The following GNL2 variants were observed in gnomAD, a reference collection of about 807,000 sequenced individuals.
GNL2 encodes nucleolar GTP-binding protein 2.
GNL2 carries 51 observed loss-of-function variants against 92.3 expected under a neutral mutation model. The observed-to-expected ratio is 0.55, with a 90% confidence interval of 0.44 to 0.70. The LOEUF is 0.70. Among genes scored for constraint, GNL2 ranks in the 30% least tolerant of loss-of-function variants. The pLI is 0.00. For missense variants in GNL2, 844 were observed against 895.6 expected, an observed-to-expected ratio of 0.94 and a Z score of 0.74; for synonymous variants, 283 against 300.6, an observed-to-expected ratio of 0.94 and a Z score of 0.61.
intron 5 of GNL2, among the ~76,000 whole-genome samples, chr1:37,585,822 T>A (rs1373401574): frequency 2.0e-5 from 3 of 152,170 alleles, no homozygotes; most frequent in African/African-American, 7.2e-5. Context: ...GCCTCTTCAC[T>A]AAGACAGCAA....
chr1:37,586,709 C>T (rs2148140606), intron 5 of GNL2, among the ~76,000 whole-genome samples: 1 of 152,230 alleles, frequency 6.6e-6, no homozygotes, highest in East Asian at 1.9e-4. Flanking sequence ...TCCAACTTAA[C>T]TATATTTCCT....
At chr1:37,589,888 C>A (rs548592722) in intron 4 of GNL2, among the ~76,000 whole-genome samples, 1 of 152,152 alleles carries the variant, frequency 6.6e-6, no homozygotes, top group East Asian at 1.9e-4. Flanking sequence ...GCTGAACGTA[C>A]GCAACACCAA....
In GNL2 at chr1:37,574,803, C is replaced by CT; in HGVS notation, c.1163dup (p.Ser389GlufsTer3). The CT allele has an allele frequency of 6.2e-7, 1 of 1,610,618 alleles. No individual in the cohort carries two copies. The highest frequency in any genetic ancestry group is 8.5e-7 in the Non-Finnish European group (1 of 1,178,390). On this transcript the variant is annotated frameshift_variant, in exon 11 of 16. Coordinates refer to ENST00000373062, the MANE Select transcript of GNL2 (RefSeq NM_013285.3). LOFTEE classifies it high-confidence loss of function. ...CAGCACCAATGTGGTCTTCAGGACTCTTAATTTTTTCTACTTGAACCTAAA... is the reference window on the plus strand; with the variant it reads ...CAGCACCAATGTGGTCTTCAGGACTCTTTAATTTTTTCTACTTGAACCTAAA...
chr1:37,586,001 G>C (rs1434975980), intron 5 of GNL2, among the ~76,000 whole-genome samples: 6 of 152,032 alleles, frequency 3.9e-5, no homozygotes, highest in Admixed American at 2.6e-4. Flanking sequence ...CTTATCTTTG[G>C]GGAATAATTA....
At chr1:37,573,231 G>A (rs1350807725) in intron 12 of GNL2, among the ~76,000 whole-genome samples, 1 of 152,234 alleles carries the variant, frequency 6.6e-6, no homozygotes, top group African/African-American at 2.4e-5. Flanking sequence ...ACTTTCAAAT[G>A]CTGCAGAATA....
intron 2 of GNL2, 62 bp from the exon 3 acceptor site, chr1:37,592,868 T>G: frequency 1.1e-6 from 1 of 890,394 alleles, no homozygotes; most frequent in African/African-American, 1.6e-5. Flanking sequence ...CGAAGTTTGA[T>G]TTACAGAATA....
chr1:37,593,563 C>T (rs1260757952), intron 2 of GNL2, 199 bp downstream of exon 2: 2 of 515,746 alleles, frequency 3.9e-6, no homozygotes, highest in African/African-American at 3.9e-5. Flanking sequence ...GAAACCATCA[C>T]TATTTCACCG....
chr1:37,566,962 G>A lies in GNL2; in HGVS notation c.2089C>T (p.Arg697Cys), dbSNP rs769914689. The change falls in exon 16 of 16, where the codon CGC (arginine) becomes TGC (cysteine). Residue 697 changes from arginine to cysteine, a missense_variant. Arg to Cys is a radical substitution (Grantham distance 180, BLOSUM62 -3). Coordinates refer to ENST00000373062, the MANE Select transcript of GNL2 (RefSeq NM_013285.3). ...RQQRPKKVGVRYYETHNVKNR... is the reference protein window; with the variant it reads ...RQQRPKKVGVCYYETHNVKNR... ...TTCACGTTGTGTGTTTCATAGTAGCGCACACCAACTTTTTTCGGCCGTTGC... is the reference window on the plus strand; with the variant it reads ...TTCACGTTGTGTGTTTCATAGTAGCACACACCAACTTTTTTCGGCCGTTGC... 34 of 1,613,074 alleles carry A rather than the reference G, an allele frequency of 2.1e-5. No homozygotes were observed. The highest frequency in any genetic ancestry group is 1.6e-4 in the Middle Eastern group (1 of 6,084).
chr1:37,572,644 T>C (rs2148129840), intron 12 of GNL2, among the ~76,000 whole-genome samples: 1 of 152,316 alleles, frequency 6.6e-6, no homozygotes, highest in East Asian at 1.9e-4. Context: ...TACCTTACCC[T>C]GTGCACCTCT....
intron 12 of GNL2, among the ~76,000 whole-genome samples, chr1:37,571,613 G>A (rs1430846641): frequency 1.3e-5 from 2 of 152,028 alleles, no homozygotes; most frequent in African/African-American, 4.8e-5. Flanking sequence ...CAAACTCCTC[G>A]TGGAAATGAT....
Position 37,568,304 on chromosome 1 carries a change from T to C in GNL2, c.1922A>G (p.Lys641Arg). The C allele has an allele frequency of 1.2e-6, 2 of 1,607,882 alleles. No individual in the cohort carries two copies. The highest frequency in any genetic ancestry group is 1.7e-6 in the Non-Finnish European group (2 of 1,174,224). Reference protein sequence around the residue: ...KIFAKPEEQRKTLEEDVDDRA... With the variant: ...KIFAKPEEQRRTLEEDVDDRA... Reference sequence around the variant, plus strand: ...GTCATCTACATCTTCTTCCAGTGTTTTTCTTTGTTCTTCAGGTTTTGCAAA... The same window carrying C: ...GTCATCTACATCTTCTTCCAGTGTTCTTCTTTGTTCTTCAGGTTTTGCAAA... Residue 641 changes from lysine (K) to arginine (R), a missense_variant, in exon 14 of 16, where the codon AAA becomes AGA. Lys to Arg is a conservative substitution (Grantham distance 26). Transcript: ENST00000373062.
At chr1:37,582,407 C>A in intron 7 of GNL2, 71 bp from the exon 8 acceptor site, 1 of 870,394 alleles carries the variant, frequency 1.1e-6, no homozygotes, top group Non-Finnish European at 1.8e-6. Flanking sequence ...AGAATCAGAG[C>A]TTGAATTACA....
rs34593152 is a variant in GNL2, at chr1:37,567,690, C to T, written c.2026G>A (p.Ala676Thr). ...EQEHSNKAPR[A>T]LTSKERRRAV... is the part of the protein sequence containing the mutation. ...ACACTTACTTCTTTTGATGTAAGCG[C>T]CCTGGGAGCTTTATTTGAATGTTCC... Residue 676 changes from alanine (A) to threonine (T), a missense_variant, in exon 15 of 16, where the codon GCG (alanine) becomes ACG (threonine). Ala to Thr is a moderately conservative substitution (Grantham distance 58). Coordinates refer to ENST00000373062, the MANE Select transcript of GNL2 (RefSeq NM_013285.3). The T allele has an allele frequency of 1.0e-3, 1,651 of 1,612,256 alleles. 12 individuals carry two copies. In the Middle Eastern group the frequency reaches 0.011, roughly 10 times the overall value.
rs774402243 is a variant in GNL2, at chr1:37,569,196, T to C, written c.1523A>G (p.Glu508Gly). Residue 508 changes from glutamate (E) to glycine (G), a missense_variant, in exon 13 of 16, where the codon GAA becomes GGA. Coordinates refer to ENST00000373062, the MANE Select transcript of GNL2 (RefSeq NM_013285.3). ...AGEGSESIIKEETEENSHCDA... is the reference protein window; with the variant it reads ...AGEGSESIIKGETEENSHCDA... ...ACAGTGACTGTTCTCTTCTGTTTCT[T>C]CCTTAATGATGGATTCTGACCCTTC... 2 of 1,614,084 alleles carry C rather than the reference T, an allele frequency of 1.2e-6. No homozygotes were observed. Among genetic ancestry groups the C allele is most frequent in the East Asian group, 2.2e-5 (1 of 44,888 alleles).
chr1:37,574,660 G>T lies in GNL2; in HGVS notation c.1302+5C>A, dbSNP rs111907668. On this transcript the variant is annotated splice_donor_5th_base_variant and intron_variant, in intron 11 of 15. Coordinates refer to ENST00000373062, the MANE Select transcript of GNL2 (RefSeq NM_013285.3). ...CAGTCTAAATTCTCACAAACGCCGGGTCACCTTTAGTAACTTCCCAGTCCG... is the reference window on the plus strand; with the variant it reads ...CAGTCTAAATTCTCACAAACGCCGGTTCACCTTTAGTAACTTCCCAGTCCG... 6.2e-7 allele frequency: 1 copy of T among 1,612,818 alleles called. No individual in the cohort carries two copies. Among genetic ancestry groups the T allele is most frequent in the Admixed American group, 1.7e-5 (1 of 59,970 alleles).
At position 37,569,308 on chromosome 1, in the gene GNL2, A is replaced by C; in HGVS notation, c.1417-6T>G. On this transcript the variant is annotated splice_polypyrimidine_tract_variant and splice_region_variant and intron_variant, in intron 12 of 15. Coordinates refer to ENST00000373062, the MANE Select transcript of GNL2 (RefSeq NM_013285.3). ...AAAGATGAGGAGGGTAGAAGCTATT[A>C]AGGGGTGGAAATGGGGGAAATAAAT... 3.8e-6 allele frequency: 6 copies of C among 1,568,232 alleles called. No homozygotes were observed. Among genetic ancestry groups the C allele is most frequent in the Non-Finnish European group, 5.2e-6 (6 of 1,151,520 alleles).
chr1:37,588,233 T>C (rs1334642433), intron 4 of GNL2, among the ~76,000 whole-genome samples: 1 of 151,536 alleles, frequency 6.6e-6, no homozygotes, highest in Non-Finnish European at 1.5e-5. Context: ...GATAAAAGAG[T>C]TGGGATCTAT....
chr1:37,591,504 CTTT>C (rs34721968), intron 3 of GNL2, among the ~76,000 whole-genome samples: 5 of 135,004 alleles, frequency 3.7e-5, no homozygotes, highest in Non-Finnish European at 3.2e-5. Flanking sequence ...TATATTTACT[CTTT>C]TTTTTTTTTT....
At position 37,592,733 on chromosome 1, in the gene GNL2, C is replaced by T; in HGVS notation, c.223G>A (p.Glu75Lys). 1 of 1,596,254 alleles carries T rather than the reference C, an allele frequency of 6.3e-7. No homozygotes were observed. The highest frequency in any genetic ancestry group is 8.6e-7 in the Non-Finnish European group (1 of 1,163,730). ...TVASGTVARV[E>K]PNIKWFGNTR... ...TCACCAAACCATTTAATATTTGGCT[C>T]TACTCTTGCCACTGTGCCAGAAGCC... Residue 75 changes from glutamate to lysine, a missense_variant, in exon 3 of 16, where the codon GAG (glutamate) becomes AAG (lysine). By Grantham distance (56) the Glu-to-Lys change is moderately conservative. Coordinates refer to ENST00000373062, the MANE Select transcript of GNL2 (RefSeq NM_013285.3).
Sources: gnomAD v4.1 joint callset for allele counts (sites outside exome capture counted in the v4.1 genomes callset) on GRCh38, gnomAD v4.1.1 for gene constraint, MANE v1.5 for transcripts, NCBI Gene and HGNC (gene_info 2026-07-23, HGNC 2026-07-21) for gene names.